Variants in FMN2 observed in about 807,000 individuals in gnomAD.
FMN2 encodes the protein formin-2.
Under a neutral mutation model 142.3 loss-of-function variants are expected in FMN2, and 51 were observed. That is an observed-to-expected ratio of 0.36 (90% CI 0.29 to 0.45). FMN2 has a LOEUF of 0.45. FMN2 is among the 20% of genes least tolerant of loss of function. The pLI is 1.00. For missense variants in FMN2, 1,936 were observed against 2,122.8 expected (o/e 0.91, Z 1.73); for synonymous variants, 882 against 869.8 (o/e 1.01, Z -0.25).
intron 6 of FMN2, among the ~76,000 whole-genome samples, chr1:240,248,679 T>C (rs1668171794): frequency 6.6e-6 from 1 of 151,886 alleles, no homozygotes. Context: ...TTCCATATTG[T>C]TTTCCATAGT....
intron 8 of FMN2, among the ~76,000 whole-genome samples, chr1:240,328,680 C>G (rs1223460473): frequency 6.6e-6 from 1 of 152,026 alleles, no homozygotes; most frequent in African/African-American, 2.4e-5. Flanking sequence ...ACCTCCTCCT[C>G]CCAGGTTCAG....
At chr1:240,240,589 C>A (rs1268034924) in intron 6 of FMN2, among the ~76,000 whole-genome samples, 1 of 152,120 alleles carries the variant, frequency 6.6e-6, no homozygotes, top group Non-Finnish European at 1.5e-5. Context: ...TACTTGATAT[C>A]CAAATATTTT....
intron 14 of FMN2, among the ~76,000 whole-genome samples, chr1:240,371,936 T>A (rs182171787): frequency 1.6e-3 from 240 of 152,278 alleles, no homozygotes; most frequent in Non-Finnish European, 2.8e-3. Flanking sequence ...TAAACCATGT[T>A]AACTTATGAG....
At chr1:240,347,638 C>T (rs1415328024) in intron 13 of FMN2, among the ~76,000 whole-genome samples, 2 of 152,166 alleles carry the variant, frequency 1.3e-5, no homozygotes, top group Admixed American at 6.5e-5. Context: ...GATCCCCTCA[C>T]TCAGGTAGTA....
intron 7 of FMN2, among the ~76,000 whole-genome samples, chr1:240,292,170 G>A (rs192673086): frequency 6.6e-6 from 1 of 152,118 alleles, no homozygotes; most frequent in Non-Finnish European, 1.5e-5. Flanking sequence ...CTGTCACCTT[G>A]ATATAATTTC....
intron 1 of FMN2, among the ~76,000 whole-genome samples, chr1:240,107,576 G>A (rs112081823): frequency 4.6e-5 from 7 of 152,000 alleles, no homozygotes; most frequent in Admixed American, 6.6e-5. Flanking sequence ...AAAAATACCA[G>A]GAAATTCATA....
chr1:240,276,271 G>A (rs1198411896), intron 7 of FMN2, among the ~76,000 whole-genome samples: 1 of 152,184 alleles, frequency 6.6e-6, no homozygotes, highest in Non-Finnish European at 1.5e-5. Flanking sequence ...AGGTGAAGAG[G>A]TGGTTTTAAC....
At chr1:240,117,595 G>A (rs752701537) in intron 1 of FMN2, among the ~76,000 whole-genome samples, 12 of 152,198 alleles carry the variant, frequency 7.9e-5, no homozygotes, top group Non-Finnish European at 1.6e-4. Flanking sequence ...ACGAGTGATG[G>A]ATTGTGCAAC....
intron 4 of FMN2, among the ~76,000 whole-genome samples, chr1:240,201,386 G>A (rs1250228353): frequency 6.6e-6 from 1 of 152,216 alleles, no homozygotes; most frequent in African/African-American, 2.4e-5. Context: ...TGATGGTGGA[G>A]AACTTGAATT....
chr1:240,177,784 A>C (rs1664980276), intron 2 of FMN2, 137 bp from the exon 3 acceptor site: 1 of 674,460 alleles, frequency 1.5e-6, no homozygotes, highest in African/African-American at 1.9e-5. Context: ...ATAGTATAAA[A>C]ATGCTGTTTT....
intron 8 of FMN2, among the ~76,000 whole-genome samples, chr1:240,300,051 C>T: frequency 6.6e-6 from 1 of 152,194 alleles, no homozygotes; most frequent in East Asian, 1.9e-4. Context: ...GCCACTATTT[C>T]ATCTCCATGT....
chr1:240,165,271 G>A (rs1161834007), intron 2 of FMN2, among the ~76,000 whole-genome samples: 1 of 152,136 alleles, frequency 6.6e-6, no homozygotes, highest in Non-Finnish European at 1.5e-5. Context: ...AACCTCCTGG[G>A]CTCAAGTGAT....
At chr1:240,376,952 G>C (rs542790009) in intron 14 of FMN2, among the ~76,000 whole-genome samples, 62 of 152,174 alleles carry the variant, frequency 4.1e-4, no homozygotes, top group African/African-American at 1.4e-3. Context: ...ACAGTATACT[G>C]TCATTCTCCC....
intron 8 of FMN2, among the ~76,000 whole-genome samples, chr1:240,326,232 C>T (rs917709532): frequency 6.6e-6 from 1 of 152,150 alleles, no homozygotes; most frequent in Non-Finnish European, 1.5e-5. Context: ...TTGTGGATAA[C>T]AAGAAAGGAG....
At chr1:240,145,919 G>A (rs1663446374) in intron 2 of FMN2, among the ~76,000 whole-genome samples, 1 of 152,120 alleles carries the variant, frequency 6.6e-6, no homozygotes, top group Non-Finnish European at 1.5e-5. Context: ...TGACACAATA[G>A]CCTGCAGACA....
chr1:240,258,140 G>T, intron 7 of FMN2, 108 bp downstream of exon 7: 1 of 771,582 alleles, frequency 1.3e-6, no homozygotes. Flanking sequence ...TGTAAACCGA[G>T]GTTAGTATAT....
intron 2 of FMN2, chr1:240,142,614 G>T: frequency 6.6e-7 from 1 of 1,514,118 alleles, no homozygotes; most frequent in South Asian, 1.2e-5. Flanking sequence ...CTTGGCAGCA[G>T]GATGCATGGC....
chr1:240,255,504 A>G (rs563004861), intron 6 of FMN2, among the ~76,000 whole-genome samples: 1 of 152,210 alleles, frequency 6.6e-6, no homozygotes, highest in South Asian at 2.1e-4. Context: ...AAAGTATAGA[A>G]CTAAATGCTG....
At chr1:240,367,641 T>C (rs909502343) in intron 14 of FMN2, among the ~76,000 whole-genome samples, 1 of 151,406 alleles carries the variant, frequency 6.6e-6, no homozygotes, top group Non-Finnish European at 1.5e-5. Context: ...GGTGGTGGGC[T>C]CCTGTAGTCC....
Sources: allele counts gnomAD v4.1 joint callset (sites outside exome capture counted in the v4.1 genomes callset), GRCh38; gene constraint gnomAD v4.1.1; transcripts MANE v1.5; gene names NCBI Gene and HGNC (gene_info 2026-07-23, HGNC 2026-07-21).